Variants in MAP2K6 observed in about 807,000 individuals in gnomAD.
MAP2K6 encodes mitogen-activated protein kinase kinase 6.
A neutral mutation model predicts 53.7 loss-of-function variants in MAP2K6; 16 were observed. The observed-to-expected ratio is 0.30, with a 90% CI of 0.20 to 0.45. The LOEUF (loss-of-function observed/expected upper bound fraction) is 0.45, where lower values mean the gene tolerates loss of function less well. Among genes scored for constraint, MAP2K6 ranks in the 20% least tolerant of loss-of-function variants. MAP2K6 has a pLI of 1.00. For synonymous variants in MAP2K6, 132 were observed against 143.1 expected, an observed-to-expected ratio of 0.92 and a Z score of 0.55; for missense variants, 204 against 411.9, an observed-to-expected ratio of 0.50 and a Z score of 4.37.
chr17:69,528,774 G>A (rs1457235419), intron 10 of MAP2K6, among the ~76,000 whole-genome samples: 1 of 143,094 alleles, frequency 7.0e-6, no homozygotes, highest in African/African-American at 2.6e-5. Context: ...CAGGAGAATT[G>A]CTTGAACCTA....
At chr17:69,502,226 T>C (rs1188698480) in intron 1 of MAP2K6, 5 of 985,492 alleles carry the variant, frequency 5.1e-6, no homozygotes, top group Non-Finnish European at 4.8e-6. Context: ...AGAGGTTTGC[T>C]GCAATCCGAA....
chr17:69,508,044 T>TTTTA (rs1355303917), intron 2 of MAP2K6, among the ~76,000 whole-genome samples: 1 of 59,482 alleles, frequency 1.7e-5, no homozygotes, highest in African/African-American at 8.8e-5. Context: ...ATATGTAGTT[T>TTTTA]TTTTTTTTTT....
chr17:69,484,491 T>C (rs1351443670), intron 1 of MAP2K6, among the ~76,000 whole-genome samples: 1 of 151,982 alleles, frequency 6.6e-6, no homozygotes, highest in African/African-American at 2.4e-5. Flanking sequence ...CGTAACATGG[T>C]GTAGCTGCTT....
At chr17:69,527,419 A>C (rs1210348444) in intron 10 of MAP2K6, among the ~76,000 whole-genome samples, 1 of 152,176 alleles carries the variant, frequency 6.6e-6, no homozygotes, top group African/African-American at 2.4e-5. Context: ...AGGGAGCCAT[A>C]CTCATGAGGT....
At chr17:69,463,950 C>T (rs1184327339) in intron 1 of MAP2K6, among the ~76,000 whole-genome samples, 9 of 150,482 alleles carry the variant, frequency 6.0e-5, no homozygotes, top group Admixed American at 6.6e-5. Context: ...ACCTGGGAGG[C>T]GGAGGTTGCA....
intron 1 of MAP2K6, among the ~76,000 whole-genome samples, chr17:69,421,198 A>G (rs1906067551): frequency 6.6e-6 from 1 of 152,198 alleles, no homozygotes. Context: ...GGGTAATTAA[A>G]TTACAATGCA....
Position 69,495,996 on chromosome 17 carries a change from A to G in MAP2K6, c.17-9784A>G, listed in dbSNP as rs538518399. Among the ~76,000 whole-genome samples the G allele has an allele frequency of 9.2e-5, 14 of 151,928 alleles. No individual in the cohort carries two copies. The South Asian group carries it at 2.9e-3, about 32-fold the overall frequency. On this transcript the variant is annotated intron_variant, in intron 1 of 11. Coordinates refer to ENST00000590474, the MANE Select transcript of MAP2K6 (RefSeq NM_002758.4). ...CTGGGCCTAGAACATAACTCAGGGC[A>G]TTGGCTGTGATTTGCTTTTAGGTTC...
chr17:69,519,389 A>G lies in MAP2K6; in HGVS notation c.323A>G (p.Asp108Gly). The G allele has an allele frequency of 6.2e-7, 1 of 1,614,160 alleles. No individual in the cohort carries two copies. Among genetic ancestry groups the G allele is most frequent in the Non-Finnish European group, 8.5e-7 (1 of 1,179,984 alleles). ...MDLDISMRTVDCPFTVTFYGA... is the reference protein window; with the variant it reads ...MDLDISMRTVGCPFTVTFYGA... ...TTGGATATTTCCATGAGGACGGTGG[A>G]CTGTCCATTCACTGTCACCTTTTAT... The change falls in exon 5 of 12, where the codon GAC becomes GGC. Residue 108 changes from aspartate (D) to glycine (G), a missense_variant. Coordinates refer to ENST00000590474, the MANE Select transcript of MAP2K6 (RefSeq NM_002758.4).
intron 1 of MAP2K6, among the ~76,000 whole-genome samples, chr17:69,499,299 G>T (rs900353680): frequency 6.6e-6 from 1 of 152,182 alleles, no homozygotes; most frequent in African/African-American, 2.4e-5. Context: ...AAATGTAAGC[G>T]TAAACATGGA....
intron 1 of MAP2K6, among the ~76,000 whole-genome samples, chr17:69,442,143 CT>C (rs1906839304): frequency 1.3e-5 from 2 of 152,034 alleles, no homozygotes; most frequent in Non-Finnish European, 2.9e-5. Context: ...ATTTAGTTAC[CT>C]TTTTATAAAC....
At chr17:69,508,686 A>T (rs1029815856) in intron 2 of MAP2K6, among the ~76,000 whole-genome samples, 2 of 152,252 alleles carry the variant, frequency 1.3e-5, no homozygotes, top group Non-Finnish European at 2.9e-5. Context: ...TGCTTTTGAT[A>T]ATAAGTCTAA....
chr17:69,518,004 C>A (rs540996162), intron 4 of MAP2K6, among the ~76,000 whole-genome samples: 2 of 152,226 alleles, frequency 1.3e-5, no homozygotes, highest in East Asian at 3.9e-4. Flanking sequence ...GCCTGGCCAA[C>A]ATAGTGAAAC....
chr17:69,505,768 C>A lies in MAP2K6; in HGVS notation c.17-12C>A. Reference sequence around the variant, plus strand: ...TTAGTCCTTAACTTTTTCCTTTTGTCTTTCCCCATAGGCAAGAAGCGAAAC... The same window carrying A: ...TTAGTCCTTAACTTTTTCCTTTTGTATTTCCCCATAGGCAAGAAGCGAAAC... On this transcript the variant is annotated splice_polypyrimidine_tract_variant and intron_variant, in intron 1 of 11. Coordinates refer to ENST00000590474, the MANE Select transcript of MAP2K6 (RefSeq NM_002758.4). The A allele has an allele frequency of 1.2e-6, 2 of 1,612,038 alleles. No individual in the cohort carries two copies. Among genetic ancestry groups the A allele is most frequent in the African/African-American group, 2.7e-5 (2 of 75,006 alleles).
chr17:69,444,976 G>A (rs909504037), intron 1 of MAP2K6, among the ~76,000 whole-genome samples: 2 of 151,870 alleles, frequency 1.3e-5, no homozygotes, highest in Admixed American at 6.6e-5. Context: ...GCTGGAGTGC[G>A]GTGGCACGAT....
chr17:69,421,362 G>T (rs933361260), intron 1 of MAP2K6, among the ~76,000 whole-genome samples: 17 of 152,096 alleles, frequency 1.1e-4, no homozygotes, highest in Non-Finnish European at 1.0e-4. Context: ...AGATTTAAAG[G>T]TTGCACAATT....
rs532558553 is a variant in MAP2K6, at chr17:69,439,789, C to T, written c.16+24789C>T. On this transcript the variant is annotated intron_variant, in intron 1 of 11. Transcript: ENST00000590474. ...GTTTGCCTCCTGAGAACAACATTCCCTTAGGCCAGCTCGTCTTCTAGCTAA... is the reference window on the plus strand; with the variant it reads ...GTTTGCCTCCTGAGAACAACATTCCTTTAGGCCAGCTCGTCTTCTAGCTAA... 7.2e-5 allele frequency among the ~76,000 whole-genome samples: 11 copies of T among 152,296 alleles called. 1 individual carries two copies. Among genetic ancestry groups the T allele is most frequent in the Middle Eastern group, 3.4e-3 (1 of 294 alleles).
At chr17:69,428,712 A>G (rs1352604111) in intron 1 of MAP2K6, among the ~76,000 whole-genome samples, 1 of 152,172 alleles carries the variant, frequency 6.6e-6, no homozygotes, top group Non-Finnish European at 1.5e-5. Context: ...CAGCCTGGGA[A>G]GATCAGGAGT....
At chr17:69,486,280 T>G (rs965826756) in intron 1 of MAP2K6, among the ~76,000 whole-genome samples, 7 of 152,202 alleles carry the variant, frequency 4.6e-5, no homozygotes, top group Non-Finnish European at 7.3e-5. Context: ...GTTTATATTT[T>G]AGGCATTGGA....
intron 1 of MAP2K6, among the ~76,000 whole-genome samples, chr17:69,420,413 A>G (rs1191896011): frequency 6.6e-6 from 1 of 152,208 alleles, no homozygotes; most frequent in East Asian, 1.9e-4. Flanking sequence ...AATTAAGTCT[A>G]GAATCTTTAA....
Sources: gnomAD v4.1 joint callset for allele counts (sites outside exome capture counted in the v4.1 genomes callset) on GRCh38, gnomAD v4.1.1 for gene constraint, MANE v1.5 for transcripts, NCBI Gene and HGNC (gene_info 2026-07-23, HGNC 2026-07-21) for gene names.